Variants in ESF1 observed in about 807,000 individuals in gnomAD.
ESF1 encodes ESF1 homolog.
Under a neutral mutation model 92.0 loss-of-function variants are expected in ESF1, and 58 were observed. That is an observed-to-expected ratio of 0.63 (90% confidence interval 0.51 to 0.78). The LOEUF (loss-of-function observed/expected upper bound fraction) is 0.78, where lower values mean the gene tolerates loss of function less well. Among genes scored for constraint, ESF1 ranks in the 30% least tolerant of loss-of-function variants. The pLI is 0.00. For synonymous variants in ESF1, 321 were observed against 313.7 expected (o/e 1.02, Z -0.24); for missense variants, 922 against 989.1 (o/e 0.93, Z 0.91).
rs546462584 is a variant in ESF1, at chr20:13,772,106, A to T, written c.1250+409T>A. Among the ~76,000 whole-genome samples the T allele has an allele frequency of 9.2e-5, 14 of 151,846 alleles. No homozygotes were observed. In the South Asian group the frequency reaches 2.7e-3, roughly 29 times the overall value. ...ATTGCACCATGATGATAAAAAAAAA[A>T]GTTTTATCATTCTTTCACTTTTCTA... On this transcript the variant is annotated intron_variant, in intron 5 of 13. Coordinates refer to ENST00000617257, the MANE Select transcript of ESF1 (RefSeq NM_001276380.2).
intron 10 of ESF1, among the ~76,000 whole-genome samples, chr20:13,731,232 A>G (rs2147730805): frequency 2.0e-5 from 3 of 152,344 alleles, no homozygotes; most frequent in Admixed American, 2.0e-4. Context: ...CATCTCCAAT[A>G]AACTGATAGC....
chr20:13,737,448 T>C (rs989495897), intron 9 of ESF1, among the ~76,000 whole-genome samples: 2 of 152,188 alleles, frequency 1.3e-5, no homozygotes, highest in Admixed American at 6.5e-5. Flanking sequence ...GGGCAGGAGA[T>C]GAACAACTTA....
chr20:13,765,923 A>G (rs1469861882), intron 8 of ESF1, among the ~76,000 whole-genome samples: 3 of 152,210 alleles, frequency 2.0e-5, no homozygotes, highest in Admixed American at 2.0e-4. Flanking sequence ...TATGAGTAAA[A>G]AATATAAAAA....
intron 8 of ESF1, among the ~76,000 whole-genome samples, chr20:13,764,044 A>AAGT (rs1979321726): frequency 6.6e-6 from 1 of 152,264 alleles, no homozygotes; most frequent in Non-Finnish European, 1.5e-5. Context: ...CATTATGGTC[A>AAGT]TACTAAAGAA....
At chr20:13,739,499 A>AGTAGT (rs1362890448) in intron 9 of ESF1, among the ~76,000 whole-genome samples, 11 of 152,270 alleles carry the variant, frequency 7.2e-5, no homozygotes, top group East Asian at 5.8e-4. Context: ...TTGTAATCAC[A>AGTAGT]ATGTACACAA....
At chr20:13,782,418 A>G in intron 2 of ESF1, 86 bp downstream of exon 2, 1 of 1,134,766 alleles carries the variant, frequency 8.8e-7, no homozygotes, top group Non-Finnish European at 1.2e-6. Context: ...CTATGAAAAT[A>G]CTTATTAATG....
chr20:13,718,090 C>T (rs957191259), intron 12 of ESF1, among the ~76,000 whole-genome samples: 1 of 151,864 alleles, frequency 6.6e-6, no homozygotes, highest in Admixed American at 6.6e-5. Flanking sequence ...TGGGATTAAA[C>T]GAGAACCCTC....
chr20:13,759,344 G>A (rs1979050028), intron 9 of ESF1, among the ~76,000 whole-genome samples: 1 of 152,166 alleles, frequency 6.6e-6, no homozygotes, highest in Non-Finnish European at 1.5e-5. Context: ...GACTAGTGGG[G>A]GTTATGGAAG....
At chr20:13,767,256 G>A (rs1267929493) in intron 7 of ESF1, among the ~76,000 whole-genome samples, 1 of 152,184 alleles carries the variant, frequency 6.6e-6, no homozygotes, top group Non-Finnish European at 1.5e-5. Context: ...GCCAGGCATG[G>A]TGGCTCACAC....
chr20:13,769,848 C>A (rs1600291461), intron 7 of ESF1, 59 bp downstream of exon 7: 1 of 1,102,338 alleles, frequency 9.1e-7, no homozygotes, highest in Admixed American at 2.0e-5. Flanking sequence ...AAGTAATATA[C>A]AAAATCTCTT....
At chr20:13,725,346 G>T (rs757565745) in intron 11 of ESF1, among the ~76,000 whole-genome samples, 1 of 152,110 alleles carries the variant, frequency 6.6e-6, no homozygotes, top group Non-Finnish European at 1.5e-5. Flanking sequence ...CCAAGGGAAA[G>T]AAAACATGCC....
At chr20:13,742,412 G>T (rs1035562171) in intron 9 of ESF1, among the ~76,000 whole-genome samples, 1 of 152,042 alleles carries the variant, frequency 6.6e-6, no homozygotes, top group Admixed American at 6.6e-5. Flanking sequence ...GATGGAGGTT[G>T]CAGTGCTGAG....
At chr20:13,775,781 G>A in intron 3 of ESF1, 92 bp downstream of exon 3, 1 of 1,423,458 alleles carries the variant, frequency 7.0e-7, no homozygotes, top group East Asian at 2.3e-5. Context: ...TTACCAATAA[G>A]CTTTTCCCAC....
chr20:13,756,773 G>A (rs6079163), intron 9 of ESF1, among the ~76,000 whole-genome samples: 2 of 152,182 alleles, frequency 1.3e-5, no homozygotes, highest in Non-Finnish European at 2.9e-5. Flanking sequence ...CTGAATGCTA[G>A]GCATCAGCTT....
Position 13,776,246 on chromosome 20 carries a change from T to C in ESF1, c.662A>G (p.Asp221Gly). 1 of 1,612,948 alleles carries C rather than the reference T, an allele frequency of 6.2e-7. No individual in the cohort carries two copies. The change falls in exon 3 of 14, where the codon GAC becomes GGC. Residue 221 changes from aspartate to glycine, a missense_variant. Coordinates refer to ENST00000617257, the MANE Select transcript of ESF1 (RefSeq NM_001276380.2). ...TGTTGAGTTTTCATAACCATCACTGTCTCTTGTCATTATGAGTTGAACCAC... is the reference window on the plus strand; with the variant it reads ...TGTTGAGTTTTCATAACCATCACTGCCTCTTGTCATTATGAGTTGAACCAC... ...QSVVQLIMTRDSDGYENSTDG... is the reference protein window; with the variant it reads ...QSVVQLIMTRGSDGYENSTDG...
intron 11 of ESF1, among the ~76,000 whole-genome samples, chr20:13,725,175 G>A (rs920865601): frequency 2.0e-5 from 3 of 152,114 alleles, no homozygotes; most frequent in Non-Finnish European, 4.4e-5. Context: ...CAGATTATCT[G>A]TGCTTCTGCA....
At chr20:13,755,747 G>A (rs1978863722) in intron 9 of ESF1, among the ~76,000 whole-genome samples, 1 of 151,990 alleles carries the variant, frequency 6.6e-6, no homozygotes, top group Non-Finnish European at 1.5e-5. Flanking sequence ...GCTCATTCCA[G>A]TTGTTATGCC....
At position 13,766,874 on chromosome 20, in the gene ESF1, G is replaced by C; in HGVS notation, c.1569C>G (p.Asn523Lys). Residue 523 changes from asparagine to lysine, a missense_variant, in exon 8 of 14, where the codon AAC (asparagine) becomes AAG (lysine). Transcript: ENST00000617257. ...AAAGCTCTTCCTTTTTAAACTTCCT[G>C]TTGAGCATTGTAATTCTTTCATGAT... ...ETDHERITML[N>K]RKFKKEELLD... is the part of the protein sequence containing the mutation. 1 of 1,613,722 alleles carries C rather than the reference G, an allele frequency of 6.2e-7. No individual in the cohort carries two copies. The highest frequency in any genetic ancestry group is 1.1e-5 in the South Asian group (1 of 91,078).
rs1980271305 is a variant in ESF1, at chr20:13,782,845, G to T, written c.296C>A (p.Thr99Asn). The T allele has an allele frequency of 6.2e-7, 1 of 1,602,252 alleles. No homozygotes were observed. Among genetic ancestry groups the T allele is most frequent in the South Asian group, 1.1e-5 (1 of 87,004 alleles). Reference protein sequence around the residue: ...LSQKKIKKKKTQTKKEIDSKN... With the variant: ...LSQKKIKKKKNQTKKEIDSKN... ...TGAATCGATTTCTTTTTTAGTCTGGGTTTTTTTCTTCTTTATTTTCTTTTG... is the reference window on the plus strand; with the variant it reads ...TGAATCGATTTCTTTTTTAGTCTGGTTTTTTTTCTTCTTTATTTTCTTTTG... The change falls in exon 2 of 14, where the codon ACC (threonine) becomes AAC (asparagine). Residue 99 changes from threonine (T) to asparagine (N), a missense_variant. Thr to Asn is a moderately conservative substitution (Grantham distance 65). Transcript: ENST00000617257.
Sources: gnomAD v4.1 joint callset for allele counts (sites outside exome capture counted in the v4.1 genomes callset) on GRCh38, gnomAD v4.1.1 for gene constraint, MANE v1.5 for transcripts, NCBI Gene and HGNC (gene_info 2026-07-23, HGNC 2026-07-21) for gene names.